AGAP1: variants seen among roughly 807,000 people sequenced by gnomAD.
AGAP1 encodes the protein arf-GAP with GTPase, ANK repeat and PH domain-containing protein 1.
In AGAP1, 29 loss-of-function variants were observed where a neutral mutation model predicts 105.3. That is an observed-to-expected ratio of 0.28 (90% CI 0.21 to 0.38). AGAP1 has a LOEUF of 0.38. Among genes scored for constraint, AGAP1 ranks in the 10% least tolerant of loss-of-function variants. The probability of loss-of-function intolerance (pLI) is 1.00; values close to 1 mark genes in which losing one functional copy is unlikely to be tolerated. For missense variants in AGAP1, 998 were observed against 1,165.1 expected, an observed-to-expected ratio of 0.86 and a Z score of 2.09; for synonymous variants, 509 against 485.9, an observed-to-expected ratio of 1.05 and a Z score of -0.63.
intron 12 of AGAP1, among the ~76,000 whole-genome samples, chr2:235,949,011 T>C (rs963617115): frequency 2.6e-5 from 4 of 152,226 alleles, no homozygotes; most frequent in African/African-American, 9.6e-5. Context: ...AAGCGAATTA[T>C]AATTTTTAAT....
At chr2:235,790,801 G>A (rs1223215865) in intron 6 of AGAP1, among the ~76,000 whole-genome samples, 1 of 152,206 alleles carries the variant, frequency 6.6e-6, no homozygotes, top group African/African-American at 2.4e-5. Context: ...GTTAAATACA[G>A]CATGGCCTCA....
At chr2:235,640,800 T>C (rs1186455424) in intron 1 of AGAP1, among the ~76,000 whole-genome samples, 1 of 152,208 alleles carries the variant, frequency 6.6e-6, no homozygotes, top group Admixed American at 6.5e-5. Flanking sequence ...AGAGTGAGTC[T>C]GAGAGGCAAA....
intron 1 of AGAP1, among the ~76,000 whole-genome samples, chr2:235,678,903 T>C (rs941832757): frequency 6.6e-6 from 1 of 152,194 alleles, no homozygotes; most frequent in African/African-American, 2.4e-5. Flanking sequence ...TGTTTCGCCA[T>C]GTAGCCCCTC....
At chr2:235,809,722 T>C (rs940246947) in intron 9 of AGAP1, among the ~76,000 whole-genome samples, 24 of 152,184 alleles carry the variant, frequency 1.6e-4, no homozygotes, top group African/African-American at 4.6e-4. Context: ...TAAAGGAACA[T>C]AGATCACTTC....
chr2:235,884,896 A>G (rs1408479593), intron 10 of AGAP1, among the ~76,000 whole-genome samples: 1 of 150,340 alleles, frequency 6.7e-6, no homozygotes, highest in African/African-American at 2.4e-5. Flanking sequence ...ATTTTTTGGT[A>G]GAGACTGGGT....
intron 13 of AGAP1, among the ~76,000 whole-genome samples, chr2:235,991,276 A>G (rs749338841): frequency 3.4e-4 from 51 of 152,218 alleles, no homozygotes; most frequent in Non-Finnish European, 7.1e-4. Flanking sequence ...GTATAAAAAT[A>G]CTTTATTCAG....
chr2:235,742,018 G>T (rs925820175), intron 4 of AGAP1, among the ~76,000 whole-genome samples: 12 of 152,194 alleles, frequency 7.9e-5, no homozygotes, highest in African/African-American at 2.4e-4. Flanking sequence ...CTCCCAAAGT[G>T]CTGGGATTAC....
At chr2:235,500,369 C>G (rs762433341) in intron 1 of AGAP1, among the ~76,000 whole-genome samples, 1 of 151,994 alleles carries the variant, frequency 6.6e-6, no homozygotes, top group Non-Finnish European at 1.5e-5. Flanking sequence ...GTTTCTAGTT[C>G]TGTGGGTTTG....
At position 235,877,403 on chromosome 2, in the gene AGAP1, T is replaced by C. The variant is rs1240601852; in HGVS notation, c.1051-5942T>C. 1.3e-5 allele frequency among the ~76,000 whole-genome samples: 2 copies of C among 152,244 alleles called. No homozygotes were observed. The highest frequency in any genetic ancestry group is 4.8e-5 in the African/African-American group (2 of 41,464). On this transcript the variant is annotated intron_variant, in intron 9 of 17. Coordinates refer to ENST00000304032, the MANE Select transcript of AGAP1 (RefSeq NM_001037131.3). This position sits in a 1 kb window ranked among gnomAD's most constrained non-coding sequence, Gnocchi z 4.3. ...CCGTGCCAGGGGTTAGGGATGACGGTTGCAGGGCAGGCTCCTTTGGTGTCA... is the reference window on the plus strand; with the variant it reads ...CCGTGCCAGGGGTTAGGGATGACGGCTGCAGGGCAGGCTCCTTTGGTGTCA...
rs6704748 is a variant in AGAP1, at chr2:235,683,856, T to G, written c.164-25323T>G. On this transcript the variant is annotated intron_variant, in intron 1 of 17. Transcript: ENST00000304032. Reference sequence around the variant, plus strand: ...AATGCCATCCCTCCCAAGCCCCCCGTCCCCCGCCCGGCCCCAGTGTGTGAT... The same window carrying G: ...AATGCCATCCCTCCCAAGCCCCCCGGCCCCCGCCCGGCCCCAGTGTGTGAT... 3.0e-4 allele frequency among the ~76,000 whole-genome samples: 44 copies of G among 145,430 alleles called. 1 individual carries two copies. The highest frequency in any genetic ancestry group is 3.5e-3 in the Middle Eastern group (1 of 288).
rs554746895 is a variant in AGAP1, at chr2:235,980,529, C to T, written c.1645+11906C>T. 5.3e-5 allele frequency among the ~76,000 whole-genome samples: 8 copies of T among 152,264 alleles called. No homozygotes were observed. The South Asian group carries it at 6.2e-4, about 12-fold the overall frequency. Reference sequence around the variant, plus strand: ...ATTTAAGATATCTCACCGCATTTGCCGCTGAGCACACATGTTGAGCGTCGA... The same window carrying T: ...ATTTAAGATATCTCACCGCATTTGCTGCTGAGCACACATGTTGAGCGTCGA... On this transcript the variant is annotated intron_variant, in intron 13 of 17. Transcript: ENST00000304032.
rs1252162750 is a variant in AGAP1, at chr2:235,887,324, TACTG to T, written c.1155+3878_1155+3881del. ...TCATTATTGTTGCTCCTAACTCTATTACTGACCACAGCGTGAAGTGGGGCCTCTC... is the reference window on the plus strand; with the variant it reads ...TCATTATTGTTGCTCCTAACTCTATTACCACAGCGTGAAGTGGGGCCTCTC... On this transcript the variant is annotated intron_variant, in intron 10 of 17. Transcript: ENST00000304032. The surrounding 1 kb of genome is among the most constrained non-coding windows in gnomAD (Gnocchi z 4.1). 2.6e-5 allele frequency among the ~76,000 whole-genome samples: 4 copies of T among 152,184 alleles called. No homozygotes were observed. Among genetic ancestry groups the T allele is most frequent in the Non-Finnish European group, 4.4e-5 (3 of 68,030 alleles).
Position 235,942,148 on chromosome 2 carries a change from G to A in AGAP1, c.1483+11225G>A, listed in dbSNP as rs535015846. Among the ~76,000 whole-genome samples, 5 of 152,262 alleles carry A rather than the reference G, an allele frequency of 3.3e-5. No individual in the cohort carries two copies. The East Asian group carries it at 9.7e-4, about 29-fold the overall frequency. ...AATGTGATTTGAAAAGATCCCTCTT[G>A]AGTCAGCCTGGGTTATCATCTGCTG... On this transcript the variant is annotated intron_variant, in intron 12 of 17. Coordinates refer to ENST00000304032, the MANE Select transcript of AGAP1 (RefSeq NM_001037131.3).
At position 235,934,843 on chromosome 2, in the gene AGAP1, T is replaced by C. The variant is rs546213164; in HGVS notation, c.1483+3920T>C. ...GTGCCTTCCCATTGTTGTGCACTCT[T>C]ACTCTAAAACATAATAATCACGGCA... is the stretch of plus-strand genomic sequence containing the variant. On this transcript the variant is annotated intron_variant, in intron 12 of 17. Transcript: ENST00000304032. The surrounding 1 kb of genome is among the most constrained non-coding windows in gnomAD (Gnocchi z 4.9). Among the ~76,000 whole-genome samples the C allele has an allele frequency of 8.5e-5, 13 of 152,302 alleles. No individual in the cohort carries two copies. Among genetic ancestry groups the C allele is most frequent in the African/African-American group, 3.1e-4 (13 of 41,552 alleles).
At chr2:235,593,443 G>A (rs1945417524) in intron 1 of AGAP1, among the ~76,000 whole-genome samples, 2 of 152,052 alleles carry the variant, frequency 1.3e-5, no homozygotes, top group Non-Finnish European at 2.9e-5. Context: ...AATTTTAGTT[G>A]TTTTAGATTA....
At chr2:235,869,025 T>C (rs1329514401) in intron 9 of AGAP1, among the ~76,000 whole-genome samples, 2 of 152,256 alleles carry the variant, frequency 1.3e-5, no homozygotes, top group East Asian at 3.9e-4. Context: ...GTAAATTAGG[T>C]GGTAGGAATT....
chr2:235,763,202 C>T (rs1954619168), intron 6 of AGAP1, among the ~76,000 whole-genome samples: 1 of 152,136 alleles, frequency 6.6e-6, no homozygotes, highest in South Asian at 2.1e-4. Context: ...GCTCCAAAAT[C>T]CGAAATGTTT....
At chr2:235,624,801 C>T (rs1946588815) in intron 1 of AGAP1, among the ~76,000 whole-genome samples, 2 of 152,080 alleles carry the variant, frequency 1.3e-5, no homozygotes, top group Non-Finnish European at 2.9e-5. Flanking sequence ...GGGCAGATCC[C>T]TCATGAATGG....
At chr2:235,837,077 C>T (rs1017380655) in intron 9 of AGAP1, among the ~76,000 whole-genome samples, 9 of 152,148 alleles carry the variant, frequency 5.9e-5, no homozygotes, top group Non-Finnish European at 1.2e-4. Flanking sequence ...CCTCCGCCTC[C>T]GGGGTTCAAG....
Sources: allele counts gnomAD v4.1 joint callset (sites outside exome capture counted in the v4.1 genomes callset), GRCh38; gene constraint gnomAD v4.1.1; non-coding constraint Gnocchi (gnomAD v3.1); transcripts MANE v1.5; gene names NCBI Gene and HGNC (gene_info 2026-07-23, HGNC 2026-07-21).